NRG3: variants seen among roughly 807,000 people sequenced by gnomAD.
The protein encoded by NRG3 is neuregulin 3.
Under a neutral mutation model 66.9 loss-of-function variants are expected in NRG3, and 31 were observed. The ratio of observed to expected loss-of-function variants is 0.46; its 90% CI spans 0.35 to 0.63. The LOEUF (loss-of-function observed/expected upper bound fraction) is 0.63. NRG3 is among the 20% of genes least tolerant of loss of function. The pLI is 0.00. For missense variants in NRG3, 910 were observed against 878.9 expected (o/e 1.04, Z -0.45); for synonymous variants, 393 against 359.4 (o/e 1.09, Z -1.06).
chr10:82,704,421 A>G (rs76307352), intron 2 of NRG3, among the ~76,000 whole-genome samples: 3,244 of 152,326 alleles, frequency 0.021, 129 homozygotes, highest in African/African-American at 0.074. Flanking sequence ...CTACCAGACT[A>G]TATCATACTC....
At chr10:82,432,474 AT>A (rs982416317) in intron 2 of NRG3, among the ~76,000 whole-genome samples, 4 of 140,578 alleles carry the variant, frequency 2.8e-5, no homozygotes, top group East Asian at 2.1e-4. Flanking sequence ...TATACACCAC[AT>A]TTTTTTTCTG....
At chr10:81,962,277 A>T (rs776717153) in intron 1 of NRG3, among the ~76,000 whole-genome samples, 13 of 152,214 alleles carry the variant, frequency 8.5e-5, no homozygotes, top group South Asian at 2.1e-4. Flanking sequence ...AATGAACTAT[A>T]AAATATCACA....
chr10:82,800,389 G>A lies in NRG3; in HGVS notation c.1027+61739G>A, dbSNP rs1271966794. On this transcript the variant is annotated intron_variant, in intron 3 of 8. Transcript: ENST00000372141. ...TTATAACAATTATTTTTACCTACGG[G>A]CAAGAAAGGGAAACATATTCAACCA... 2.6e-5 allele frequency among the ~76,000 whole-genome samples: 4 copies of A among 151,978 alleles called. 1 individual carries two copies. Among genetic ancestry groups the A allele is most frequent in the South Asian group, 4.1e-4 (2 of 4,824 alleles).
chr10:82,612,519 A>G (rs896674384), intron 2 of NRG3, among the ~76,000 whole-genome samples: 2 of 152,214 alleles, frequency 1.3e-5, no homozygotes, highest in African/African-American at 4.8e-5. Flanking sequence ...TTGAATTAGC[A>G]GAAAAACATA....
At chr10:82,675,485 A>G (rs539729807) in intron 2 of NRG3, among the ~76,000 whole-genome samples, 3 of 152,210 alleles carry the variant, frequency 2.0e-5, no homozygotes, top group Admixed American at 6.5e-5. Context: ...CTTAGGTTCA[A>G]TAATAGTGAT....
intron 2 of NRG3, among the ~76,000 whole-genome samples, chr10:82,717,772 C>G (rs74881810): frequency 0.013 from 1,905 of 152,174 alleles, 27 homozygotes; most frequent in Non-Finnish European, 0.02. Flanking sequence ...AATCTCTCAA[C>G]CAAGGGGTTC....
At chr10:82,792,102 A>T (rs2060612028) in intron 3 of NRG3, among the ~76,000 whole-genome samples, 1 of 151,854 alleles carries the variant, frequency 6.6e-6, no homozygotes, top group Non-Finnish European at 1.5e-5. Context: ...TTCTATAAAC[A>T]CTCCTTAGAT....
chr10:82,069,695 G>T (rs1457529610), intron 1 of NRG3, among the ~76,000 whole-genome samples: 1 of 152,138 alleles, frequency 6.6e-6, no homozygotes, highest in Non-Finnish European at 1.5e-5. Context: ...ACGGAGTCTG[G>T]ATTGTAGAAA....
At chr10:82,334,265 T>C (rs898898699) in intron 1 of NRG3, among the ~76,000 whole-genome samples, 1 of 152,252 alleles carries the variant, frequency 6.6e-6, no homozygotes, top group South Asian at 2.1e-4. Context: ...ACATTCTCAA[T>C]GGACATTTAC....
At chr10:82,345,829 G>T (rs1022129241) in intron 1 of NRG3, among the ~76,000 whole-genome samples, 6 of 151,074 alleles carry the variant, frequency 4.0e-5, no homozygotes, top group African/African-American at 1.5e-4. Context: ...TGAAGCAATT[G>T]TGAATGGGAG....
At chr10:82,679,964 G>T (rs2053994466) in intron 2 of NRG3, among the ~76,000 whole-genome samples, 2 of 151,816 alleles carry the variant, frequency 1.3e-5, no homozygotes, top group African/African-American at 2.4e-5. Flanking sequence ...TATCTATTTT[G>T]ATATGATCAT....
At chr10:81,922,252 C>CT (rs1468506713) in intron 1 of NRG3, among the ~76,000 whole-genome samples, 2 of 152,142 alleles carry the variant, frequency 1.3e-5, no homozygotes, top group African/African-American at 2.4e-5. Flanking sequence ...ACAAATCCTC[C>CT]TATGATAATG....
chr10:82,603,286 AT>A (rs2047748917), intron 2 of NRG3, among the ~76,000 whole-genome samples: 3 of 152,174 alleles, frequency 2.0e-5, no homozygotes, highest in Admixed American at 6.5e-5. Flanking sequence ...AGTCACATTT[AT>A]GTAACTGACC....
intron 2 of NRG3, among the ~76,000 whole-genome samples, chr10:82,479,015 A>C (rs1257969859): frequency 6.6e-6 from 1 of 152,200 alleles, no homozygotes; most frequent in Non-Finnish European, 1.5e-5. Flanking sequence ...ACAATGTAGA[A>C]AGGCTCATGG....
At chr10:82,132,963 A>C (rs1338929273) in intron 1 of NRG3, among the ~76,000 whole-genome samples, 1 of 151,766 alleles carries the variant, frequency 6.6e-6, no homozygotes, top group Non-Finnish European at 1.5e-5. Flanking sequence ...CTCTTTTTGT[A>C]GTTAGTTTAG....
intron 1 of NRG3, among the ~76,000 whole-genome samples, chr10:82,198,090 T>C (rs2074541676): frequency 6.6e-6 from 1 of 152,172 alleles, no homozygotes; most frequent in African/African-American, 2.4e-5. Flanking sequence ...AAACCTTACA[T>C]GGTTGTTCCA....
chr10:82,147,889 C>G (rs915874469), intron 1 of NRG3, among the ~76,000 whole-genome samples: 1 of 152,108 alleles, frequency 6.6e-6, no homozygotes, highest in African/African-American at 2.4e-5. Flanking sequence ...TCTCTTTTAC[C>G]CAAATAGGCT....
intron 2 of NRG3, among the ~76,000 whole-genome samples, chr10:82,678,860 A>T (rs2053908782): frequency 6.6e-6 from 1 of 152,200 alleles, no homozygotes. Context: ...GGATAAAAAC[A>T]AATCCTGGGA....
intron 2 of NRG3, among the ~76,000 whole-genome samples, chr10:82,412,860 G>A (rs951322586): frequency 2.0e-5 from 3 of 152,094 alleles, no homozygotes; most frequent in Non-Finnish European, 4.4e-5. Context: ...CACTTTCTTA[G>A]CTCTTCCCTA....
Sources: allele counts gnomAD v4.1 joint callset (sites outside exome capture counted in the v4.1 genomes callset), GRCh38; gene constraint gnomAD v4.1.1; transcripts MANE v1.5; gene names NCBI Gene and HGNC (gene_info 2026-07-23, HGNC 2026-07-21).